STAU1: variants seen among roughly 807,000 people sequenced by gnomAD.
STAU1 encodes the protein double-stranded RNA-binding protein Staufen homolog 1.
In STAU1, 13 loss-of-function variants were observed where a neutral mutation model predicts 62.9. That is an observed-to-expected ratio of 0.21 (90% CI 0.13 to 0.33). The LOEUF is 0.33. Among genes scored for constraint, STAU1 ranks in the 10% least tolerant of loss-of-function variants. STAU1 has a pLI of 1.00. For synonymous variants in STAU1, 269 were observed against 265.1 expected (o/e 1.01, Z -0.14); for missense variants, 571 against 712.1 (o/e 0.80, Z 2.25).
chr20:49,214,298 A>G, the STAU1 span, among the ~76,000 whole-genome samples: 1 of 152,060 alleles, frequency 6.6e-6, no homozygotes, highest in African/African-American at 2.4e-5. Flanking sequence ...CAGGTGGATC[A>G]CCTGAGGTCA....
chr20:49,142,593 A>G (rs1286953571), intron 5 of STAU1, among the ~76,000 whole-genome samples: 1 of 152,106 alleles, frequency 6.6e-6, no homozygotes, highest in Non-Finnish European at 1.5e-5. Context: ...CCCGCTCCAG[A>G]CAACTGAACT....
At chr20:49,211,470 C>G in the STAU1 span, among the ~76,000 whole-genome samples, 2 of 151,390 alleles carry the variant, frequency 1.3e-5, no homozygotes, top group Non-Finnish European at 2.9e-5. Context: ...CAGTCTTGAG[C>G]TCCTCTCCTC....
chr20:49,119,877 G>A, intron 9 of STAU1, 105 bp downstream of exon 9: 2 of 1,371,288 alleles, frequency 1.5e-6, no homozygotes, highest in Non-Finnish European at 2.0e-6. Flanking sequence ...TCCTTGAACT[G>A]TCAGGCAGAT....
chr20:49,168,091 T>A (rs1339152321), intron 2 of STAU1, among the ~76,000 whole-genome samples: 4 of 152,022 alleles, frequency 2.6e-5, no homozygotes, highest in African/African-American at 9.7e-5. Context: ...TTTAATTTTT[T>A]TTTTTTTTTT....
chr20:49,158,363 T>C, intron 3 of STAU1: 1 of 1,028,972 alleles, frequency 9.7e-7, no homozygotes. Flanking sequence ...TTACAAATAA[T>C]TTACAAGGGA....
intron 4 of STAU1, among the ~76,000 whole-genome samples, chr20:49,152,620 G>A (rs6125571): frequency 0.38 from 58,197 of 151,720 alleles, 11,252 homozygotes; most frequent in Middle Eastern, 0.5. Context: ...GATTACAGGC[G>A]TGAGCCACCA....
At chr20:49,190,905 A>ATTT (rs11477133), upstream of STAU1, among the ~76,000 whole-genome samples, 748 of 140,264 alleles carry the variant, frequency 5.3e-3, 9 homozygotes, top group African/African-American at 0.011. Flanking sequence ...GAGATGCTGA[A>ATTT]TTTTTTTTTT....
chr20:49,140,079 G>A (rs975547626), intron 5 of STAU1, among the ~76,000 whole-genome samples: 9 of 151,954 alleles, frequency 5.9e-5, no homozygotes, highest in East Asian at 1.9e-4. Flanking sequence ...CCAGCTACTC[G>A]GGAGGCTGAG....
chr20:49,141,313 G>C (rs1363281433), intron 5 of STAU1, among the ~76,000 whole-genome samples: 2 of 152,116 alleles, frequency 1.3e-5, no homozygotes, highest in African/African-American at 2.4e-5. Flanking sequence ...AATGAGCCAC[G>C]CATGGTGGCT....
In STAU1 at chr20:49,128,773, C is replaced by CAAAAAA. The variant is rs34891670; in HGVS notation, c.610-4192_610-4187dup. Among the ~76,000 whole-genome samples the CAAAAAA allele has an allele frequency of 4.7e-3, 484 of 102,438 alleles. 3 individuals are homozygous for CAAAAAA. Among genetic ancestry groups the CAAAAAA allele is most frequent in the Middle Eastern group, 0.016 (3 of 184 alleles). The allele number at this position is 102,438 out of a possible 152,430, so 67.2% of individuals were successfully genotyped here. On this transcript the variant is annotated intron_variant, in intron 6 of 13. Transcript: ENST00000371856. ...GCAGGCACAATTAGACATCCAAATC[C>CAAAAAA]AAAAAAAAAAAAAAAAAAAAGACAA...
At position 49,117,186 on chromosome 20, in the gene STAU1, G is replaced by A. The variant is rs1176368732; in HGVS notation, c.1572C>T (p.Ser524=). The change falls in exon 12 of 14, where the codon TCC becomes TCT. Residue 524 remains serine (S), a synonymous_variant. Coordinates refer to ENST00000371856, the MANE Select transcript of STAU1 (RefSeq NM_017453.4). This position sits in a 1 kb window ranked among gnomAD's most constrained non-coding sequence, Gnocchi z 4.6. ...CATGGCTGATCAGAGGTGGCTGAGAGGAGCAATTGATAAGAGATACAAATT... is the reference window on the plus strand; with the variant it reads ...CATGGCTGATCAGAGGTGGCTGAGAAGAGCAATTGATAAGAGATACAAATT... ...KNEFVSLINC[S]SQPPLISHGI... The A allele has an allele frequency of 1.2e-6, 2 of 1,614,162 alleles. No homozygotes were observed. Among genetic ancestry groups the A allele is most frequent in the East Asian group, 4.5e-5 (2 of 44,884 alleles).
intron 3 of STAU1, among the ~76,000 whole-genome samples, chr20:49,163,878 C>T (rs1174808469): frequency 6.6e-6 from 1 of 152,132 alleles, no homozygotes; most frequent in African/African-American, 2.4e-5. Context: ...AATCCTCCTG[C>T]CTCAGCCTCC....
intron 5 of STAU1, among the ~76,000 whole-genome samples, chr20:49,146,160 G>A (rs2093126832): frequency 6.6e-6 from 1 of 152,026 alleles, no homozygotes; most frequent in Admixed American, 6.5e-5. Context: ...TAGCTACTTG[G>A]GAGGCTGAGG....
At chr20:49,140,374 G>A (rs2092982782) in intron 5 of STAU1, among the ~76,000 whole-genome samples, 1 of 152,046 alleles carries the variant, frequency 6.6e-6, no homozygotes, top group Non-Finnish European at 1.5e-5. Context: ...GTTCACAGCA[G>A]CATTCACAAT....
chr20:49,159,686 G>T (rs1331482538), intron 3 of STAU1, among the ~76,000 whole-genome samples: 1 of 152,108 alleles, frequency 6.6e-6, no homozygotes, highest in African/African-American at 2.4e-5. Context: ...TCAGCCTCCT[G>T]AGTAGCTGGG....
At chr20:49,199,171 A>G in the STAU1 span, among the ~76,000 whole-genome samples, 1 of 151,842 alleles carries the variant, frequency 6.6e-6, no homozygotes, top group African/African-American at 2.4e-5. Flanking sequence ...GGACAACACC[A>G]AATAGGAGAA....
intron 6 of STAU1, 32 bp from the exon 7 acceptor site, chr20:49,124,619 G>A: frequency 6.2e-7 from 1 of 1,609,638 alleles, no homozygotes; most frequent in South Asian, 1.1e-5. Flanking sequence ...AGTGAAAGCG[G>A]ACAGACACTT....
At chr20:49,132,108 GT>G in intron 6 of STAU1, among the ~76,000 whole-genome samples, 1 of 152,104 alleles carries the variant, frequency 6.6e-6, no homozygotes, top group East Asian at 1.9e-4. Flanking sequence ...AGGAGCAGAG[GT>G]GTGGGAAGGA....
At chr20:49,210,162 G>T in the STAU1 span, among the ~76,000 whole-genome samples, 2 of 152,150 alleles carry the variant, frequency 1.3e-5, no homozygotes, top group East Asian at 3.8e-4. Context: ...GGCAGCTGTG[G>T]CACTGTGTCT....
Sources: allele counts gnomAD v4.1 joint callset (sites outside exome capture counted in the v4.1 genomes callset), GRCh38; gene constraint gnomAD v4.1.1; non-coding constraint Gnocchi (gnomAD v3.1); transcripts MANE v1.5; gene names NCBI Gene and HGNC (gene_info 2026-07-23, HGNC 2026-07-21).